Variants in SIX1 observed in about 807,000 individuals in gnomAD.
SIX1 encodes SIX homeobox 1, also known as homeobox protein SIX1.
Under a neutral mutation model 26.5 loss-of-function variants are expected in SIX1, and 11 were observed. The observed-to-expected ratio is 0.41, with a 90% CI of 0.26 to 0.69. The LOEUF (loss-of-function observed/expected upper bound fraction) is 0.69, where lower values mean the gene tolerates loss of function less well. Among genes scored for constraint, SIX1 ranks in the 30% least tolerant of loss-of-function variants. The probability of loss-of-function intolerance (pLI) is 0.28; values close to 1 mark genes in which losing one functional copy is unlikely to be tolerated. For missense variants in SIX1, 333 were observed against 365.9 expected (o/e 0.91, Z 0.73); for synonymous variants, 177 against 166.2 (o/e 1.06, Z -0.50).
At position 60,646,201 on chromosome 14, in the gene SIX1, C is replaced by T; in HGVS notation, c.*82G>A. The stretch of plus-strand genomic sequence containing the variant: ...CCAGAAACAAGCTGCAAAAATGTTC[C>T]TGATTTCTATTTACAAGTGTCCCTA... On this transcript the variant is annotated 3_prime_UTR_variant, in exon 2 of 2. Coordinates refer to ENST00000645694, the MANE Select transcript of SIX1 (RefSeq NM_005982.4). The T allele has an allele frequency of 2.2e-6, 3 of 1,362,774 alleles. No homozygotes were observed. The East Asian group carries it at 7.0e-5, about 32-fold the overall frequency. 84.4% of individuals were successfully genotyped at this position (1,362,774 alleles called of 1,614,324 possible).
chr14:60,646,210 A>AT lies in SIX1; in HGVS notation c.*72dup. ...AGCTGCAAAAATGTTCCTGATTTCT[A>AT]TTTACAAGTGTCCCTAGTCGCTGCA... On this transcript the variant is annotated 3_prime_UTR_variant, in exon 2 of 2. Transcript: ENST00000645694. 5 of 1,436,944 alleles carry AT rather than the reference A, an allele frequency of 3.5e-6. No homozygotes were observed. The South Asian group carries it at 6.3e-5, about 18-fold the overall frequency. 89.0% of individuals were successfully genotyped at this position (1,436,944 alleles called of 1,614,324 possible).
At position 60,646,019 on chromosome 14, in the gene SIX1, T is replaced by G. The variant is rs1315246090; in HGVS notation, c.*264A>C. 5.7e-4 allele frequency: 15 copies of G among 26,102 alleles called. No homozygotes were observed. Among genetic ancestry groups the G allele is most frequent in the African/African-American group, 4.0e-3 (12 of 2,970 alleles). The allele number at this position is 26,102 out of a possible 1,614,324, so 1.6% of individuals were successfully genotyped here. On this transcript the variant is annotated 3_prime_UTR_variant, in exon 2 of 2. Transcript: ENST00000645694. ...CCTGGGTGCTTTTGTTTGTTTGGGT[T>G]TTTTTTTTTTTTTTTCCCTGATCTC...
At position 60,645,737 on chromosome 14, in the gene SIX1, CAAAG is replaced by C. The variant is rs1322625216; in HGVS notation, c.*542_*545del. 6.6e-6 allele frequency: 1 copy of C among 152,082 alleles called. No individual in the cohort carries two copies. The highest frequency in any genetic ancestry group is 1.5e-5 in the Non-Finnish European group (1 of 68,030). The allele number at this position is 152,082 out of a possible 1,614,324, so 9.4% of individuals were successfully genotyped here. A position where few individuals can be genotyped will look rare whatever the true frequency, so the allele number is the denominator to read the frequency against. ...AAATGTAAACTTAATTTTTCCTCAT[CAAAG>C]AAAGTTATAGATTGTATTTTTCCTG... is the stretch of plus-strand genomic sequence containing the variant. On this transcript the variant is annotated 3_prime_UTR_variant, in exon 2 of 2. Transcript: ENST00000645694. This position sits in a 1 kb window ranked among gnomAD's most constrained non-coding sequence, Gnocchi z 4.6.
intron 1 of SIX1, 30 bp from the exon 2 acceptor site, chr14:60,646,607 T>TAA (rs34899649): frequency 1.5e-3 from 1,246 of 829,696 alleles, no homozygotes; most frequent in South Asian, 5.9e-3. Context: ...ACCATATGGT[T>TAA]AAAAAAAAAA....
chr14:60,646,990 TAAAG>T (rs1894954585), intron 1 of SIX1, among the ~76,000 whole-genome samples: 1 of 152,220 alleles, frequency 6.6e-6, no homozygotes, highest in Non-Finnish European at 1.5e-5. Context: ...ATATTGGTGA[TAAAG>T]AAATGATAGA....
Position 60,645,411 on chromosome 14 carries a change from A to G in SIX1, c.*872T>C, listed in dbSNP as rs2140238774. 6.6e-6 allele frequency: 1 copy of G among 152,288 alleles called. No individual in the cohort carries two copies. The highest frequency in any genetic ancestry group is 6.5e-5 in the Admixed American group (1 of 15,298). The allele number at this position is 152,288 out of a possible 1,614,324, so 9.4% of individuals were successfully genotyped here. The stretch of plus-strand genomic sequence containing the variant: ...CAAACTAGAAACTAGAAACAGGAGA[A>G]ACCCTTTACAGGAGTAGGCTACAGA... On this transcript the variant is annotated 3_prime_UTR_variant, in exon 2 of 2. Transcript: ENST00000645694. The surrounding 1 kb of genome is among the most constrained non-coding windows in gnomAD (Gnocchi z 4.6).
At position 60,646,348 on chromosome 14, in the gene SIX1, G is replaced by C. The variant is rs751062848; in HGVS notation, c.790C>G (p.Gln264Glu). 1.9e-6 allele frequency: 3 copies of C among 1,614,102 alleles called. No homozygotes were observed. Among genetic ancestry groups the C allele is most frequent in the South Asian group, 2.2e-5 (2 of 91,076 alleles). ...AGCAGAGAGTCTTGGAGCTGATGCT[G>C]GTGGGTCTGCAGGCCGTGACTGGGC... is the stretch of plus-strand genomic sequence containing the variant. ...SQPSHGLQTH[Q>E]HQLQDSLLGP... Residue 264 changes from glutamine to glutamate, a missense_variant, in exon 2 of 2, where the codon CAG becomes GAG. Gln to Glu is a conservative substitution (Grantham distance 29). Around this residue, in one of 3 missense-constraint regions of SIX1, gnomAD observed 199 missense variants for 215.2 expected, o/e 0.92. Transcript: ENST00000645694.
At position 60,649,253 on chromosome 14, in the gene SIX1, G is replaced by A; in HGVS notation, c.-64C>T. On this transcript the variant is annotated 5_prime_UTR_variant, in exon 1 of 2. Transcript: ENST00000645694. The surrounding 1 kb of genome is among the most constrained non-coding windows in gnomAD (Gnocchi z 5.1). ...GGCAGGGAGCAGAGCCGAGAGGCAGGGGGCGGCGGCCGCAGGGAGGGGGGC... is the reference window on the plus strand; with the variant it reads ...GGCAGGGAGCAGAGCCGAGAGGCAGAGGGCGGCGGCCGCAGGGAGGGGGGC... The A allele has an allele frequency of 1.3e-6, 2 of 1,500,742 alleles. No homozygotes were observed. The highest frequency in any genetic ancestry group is 4.6e-5 in the East Asian group (2 of 43,524). The allele number at this position is 1,500,742 out of a possible 1,614,324, so 93.0% of individuals were successfully genotyped here.
Position 60,648,755 on chromosome 14 carries a change from G to A in SIX1, c.435C>T (p.His145=), listed in dbSNP as rs1195840852. Residue 145 remains histidine, a synonymous_variant, in exon 1 of 2, where the codon CAC becomes CAT. Transcript: ENST00000645694. This position sits in a 1 kb window ranked among gnomAD's most constrained non-coding sequence, Gnocchi z 7.9. ...SRGVLREWYA[H]NPYPSPREKR... Reference sequence around the variant, plus strand: ...TCTCACGCGGCGATGGGTAGGGATTGTGCGCGTACCACTCCCGCAGGACAC... The same window carrying A: ...TCTCACGCGGCGATGGGTAGGGATTATGCGCGTACCACTCCCGCAGGACAC... 7 of 1,614,018 alleles carry A rather than the reference G, an allele frequency of 4.3e-6. No homozygotes were observed. The highest frequency in any genetic ancestry group is 5.9e-6 in the Non-Finnish European group (7 of 1,179,974).
Position 60,646,292 on chromosome 14 carries a change from C to T in SIX1, c.846G>A (p.Leu282=). 1 of 1,612,394 alleles carries T rather than the reference C, an allele frequency of 6.2e-7. No individual in the cohort carries two copies. Among genetic ancestry groups the T allele is most frequent in the Non-Finnish European group, 8.5e-7 (1 of 1,179,240 alleles). The change falls in exon 2 of 2, where the codon TTG becomes TTA. Residue 282 remains leucine (L), a synonymous_variant. Coordinates refer to ENST00000645694, the MANE Select transcript of SIX1 (RefSeq NM_005982.4). ...LGPLTSSLVD[L]GS is the part of the protein sequence containing the mutation. ...CCCAGTCCCTCCCCACTTAGGACCC[C>T]AAGTCCACCAGACTGGAGGTGAGGG...
In SIX1 at chr14:60,648,755, G is replaced by T. The variant is rs1195840852; in HGVS notation, c.435C>A (p.His145Gln). Residue 145 changes from histidine to glutamine, a missense_variant, in exon 1 of 2, where the codon CAC becomes CAA. Transcript: ENST00000645694. The surrounding 1 kb of genome is among the most constrained non-coding windows in gnomAD (Gnocchi z 7.9). Reference sequence around the variant, plus strand: ...TCTCACGCGGCGATGGGTAGGGATTGTGCGCGTACCACTCCCGCAGGACAC... The same window carrying T: ...TCTCACGCGGCGATGGGTAGGGATTTTGCGCGTACCACTCCCGCAGGACAC... Reference protein sequence around the residue: ...SRGVLREWYAHNPYPSPREKR... With the variant: ...SRGVLREWYAQNPYPSPREKR... The T allele has an allele frequency of 6.2e-7, 1 of 1,614,018 alleles. No individual in the cohort carries two copies. Among genetic ancestry groups the T allele is most frequent in the Non-Finnish European group, 8.5e-7 (1 of 1,179,974 alleles).
chr14:60,646,726 A>G, intron 1 of SIX1, 149 bp from the exon 2 acceptor site: 3 of 698,266 alleles, frequency 4.3e-6, no homozygotes, highest in South Asian at 1.9e-5. Context: ...GAGGAGCTCT[A>G]CCCTTCCACC....
chr14:60,646,261 C>T lies in SIX1; in HGVS notation c.*22G>A, dbSNP rs374399275. The T allele has an allele frequency of 2.8e-5, 45 of 1,607,678 alleles. No individual in the cohort carries two copies. The highest frequency in any genetic ancestry group is 2.1e-4 in the Middle Eastern group (1 of 4,782). On this transcript the variant is annotated 3_prime_UTR_variant, in exon 2 of 2. Transcript: ENST00000645694. ...GTGGTTGCTGCTCCAGGAATCCCTT[C>T]GAGGCCCCAGTCCCTCCCCACTTAG...
chr14:60,645,976 C>T lies in SIX1; in HGVS notation c.*307G>A, dbSNP rs1894931751. The T allele has an allele frequency of 2.1e-5, 4 of 193,310 alleles. No homozygotes were observed. In the East Asian group the frequency reaches 4.9e-4, roughly 23 times the overall value. 12.0% of individuals were successfully genotyped at this position (193,310 alleles called of 1,614,324 possible). On this transcript the variant is annotated 3_prime_UTR_variant, in exon 2 of 2. Transcript: ENST00000645694. This position sits in a 1 kb window ranked among gnomAD's most constrained non-coding sequence, Gnocchi z 4.6. ...TGCTGAAACAGGCGTATCAGTTGCC[C>T]AGAACTCAGACTGGGTGCCTGGGTG...
At position 60,646,363 on chromosome 14, in the gene SIX1, C is replaced by G. The variant is rs779084301; in HGVS notation, c.775G>C (p.Gly259Arg). Residue 259 changes from glycine (G) to arginine (R), a missense_variant, in exon 2 of 2, where the codon GGC becomes CGC. Physicochemically the swap from Gly to Arg is moderately radical, Grantham distance 125 (BLOSUM62 -2). Coordinates refer to ENST00000645694, the MANE Select transcript of SIX1 (RefSeq NM_005982.4). ...AGCTGATGCTGGTGGGTCTGCAGGC[C>G]GTGACTGGGCTGCGAGGCTGTTAAG... The part of the protein sequence containing the change: ...PGLTASQPSH[G>R]LQTHQHQLQD... 2.5e-6 allele frequency: 4 copies of G among 1,613,802 alleles called. No homozygotes were observed. In the African/African-American group the frequency reaches 5.3e-5, roughly 22 times the overall value.
At position 60,647,929 on chromosome 14, in the gene SIX1, A is replaced by T. The variant is rs934185513; in HGVS notation, c.560+701T>A. 1.3e-5 allele frequency among the ~76,000 whole-genome samples: 2 copies of T among 152,218 alleles called. No homozygotes were observed. The highest frequency in any genetic ancestry group is 4.8e-5 in the African/African-American group (2 of 41,466). Reference sequence around the variant, plus strand: ...CTGGAGACCCTTTCCTCGTCTGGGCATGCGGCGCGGTCAGCCAGACCGACG... The same window carrying T: ...CTGGAGACCCTTTCCTCGTCTGGGCTTGCGGCGCGGTCAGCCAGACCGACG... On this transcript the variant is annotated intron_variant, in intron 1 of 1. Transcript: ENST00000645694. The surrounding 1 kb of genome is among the most constrained non-coding windows in gnomAD (Gnocchi z 5.1).
intron 1 of SIX1, 145 bp from the exon 2 acceptor site, chr14:60,646,722 C>G (rs1214719526): frequency 1.4e-6 from 1 of 726,096 alleles, no homozygotes; most frequent in African/African-American, 1.8e-5. Context: ...AATGGAGGAG[C>G]TCTACCCTTC....
Position 60,648,611 on chromosome 14 carries a change from C to T in SIX1, c.560+19G>A, listed in dbSNP as rs761623902. The T allele has an allele frequency of 6.2e-7, 1 of 1,600,686 alleles. No individual in the cohort carries two copies. The highest frequency in any genetic ancestry group is 2.3e-5 in the East Asian group (1 of 44,076). On this transcript the variant is annotated intron_variant, in intron 1 of 1. Coordinates refer to ENST00000645694, the MANE Select transcript of SIX1 (RefSeq NM_005982.4). This position sits in a 1 kb window ranked among gnomAD's most constrained non-coding sequence, Gnocchi z 7.9. Reference sequence around the variant, plus strand: ...CGGCTTCCTAGGGTCGCCCGAGTCGCGGGAAGCACGCCGCGTACCTTTCCT... The same window carrying T: ...CGGCTTCCTAGGGTCGCCCGAGTCGTGGGAAGCACGCCGCGTACCTTTCCT...
chr14:60,646,214 A>G lies in SIX1; in HGVS notation c.*69T>C, dbSNP rs1566720949. The G allele has an allele frequency of 6.9e-7, 1 of 1,458,646 alleles. No homozygotes were observed. Among genetic ancestry groups the G allele is most frequent in the Non-Finnish European group, 9.4e-7 (1 of 1,063,960 alleles). 90.4% of individuals were successfully genotyped at this position (1,458,646 alleles called of 1,614,324 possible). A position where few individuals can be genotyped will look rare whatever the true frequency, so the allele number is the denominator to read the frequency against. ...GCAAAAATGTTCCTGATTTCTATTT[A>G]CAAGTGTCCCTAGTCGCTGCAGTGG... On this transcript the variant is annotated 3_prime_UTR_variant, in exon 2 of 2. Coordinates refer to ENST00000645694, the MANE Select transcript of SIX1 (RefSeq NM_005982.4).
Sources: gnomAD v4.1 joint callset for allele counts (sites outside exome capture counted in the v4.1 genomes callset) on GRCh38, gnomAD v4.1.1 for gene constraint, gnomAD v4.1.1 regional missense constraint, Gnocchi (gnomAD v3.1) non-coding constraint, MANE v1.5 for transcripts, NCBI Gene and HGNC (gene_info 2026-07-23, HGNC 2026-07-21) for gene names.